SYNPR: variants seen among roughly 807,000 people sequenced by gnomAD.
SYNPR encodes the protein synaptoporin.
SYNPR carries 23 observed loss-of-function variants against 32.9 expected under a neutral mutation model. That is an observed-to-expected ratio of 0.70 (90% CI 0.50 to 0.99). The LOEUF (loss-of-function observed/expected upper bound fraction) is 0.99. Ranked by LOEUF, SYNPR falls within the 50% of genes least tolerant of loss-of-function variation. The probability of loss-of-function intolerance (pLI) is 0.00; values close to 1 mark genes in which losing one functional copy is unlikely to be tolerated. For missense variants in SYNPR, 318 were observed against 349.3 expected (o/e 0.91, Z 0.71); for synonymous variants, 146 against 135.9 (o/e 1.07, Z -0.52).
chr3:63,469,160 G>A (rs1427027680), intron 2 of SYNPR, among the ~76,000 whole-genome samples: 2 of 152,082 alleles, frequency 1.3e-5, no homozygotes, highest in African/African-American at 4.8e-5. Flanking sequence ...TTCAGAGAAC[G>A]CTGCACATGG....
chr3:63,293,950 C>T (rs1336273174), intron 2 of SYNPR, among the ~76,000 whole-genome samples: 4 of 152,194 alleles, frequency 2.6e-5, no homozygotes, highest in Non-Finnish European at 5.9e-5. Flanking sequence ...TATGAATCTT[C>T]GGAGTACCCA....
At chr3:63,506,072 A>C (rs1414825139) in intron 3 of SYNPR, among the ~76,000 whole-genome samples, 1 of 136,122 alleles carries the variant, frequency 7.3e-6, no homozygotes, top group Admixed American at 7.0e-5. Context: ...TCAAACTTAG[A>C]TGCTCCTCCC....
intron 5 of SYNPR, among the ~76,000 whole-genome samples, chr3:63,611,400 T>C (rs1355447260): frequency 1.3e-5 from 2 of 152,210 alleles, no homozygotes; most frequent in Non-Finnish European, 2.9e-5. Flanking sequence ...CAGATTTCTA[T>C]TACCAAAAGC....
intron 2 of SYNPR, among the ~76,000 whole-genome samples, chr3:63,311,417 G>A (rs2086962576): frequency 6.6e-6 from 1 of 151,934 alleles, no homozygotes; most frequent in Non-Finnish European, 1.5e-5. Context: ...CCGGGCCAAA[G>A]ACCACTATGA....
At chr3:63,427,226 CT>C (rs761088258) in intron 2 of SYNPR, among the ~76,000 whole-genome samples, 1,686 of 140,640 alleles carry the variant, frequency 0.012, 10 homozygotes, top group African/African-American at 0.025. Context: ...TTATTTACTG[CT>C]TTTTTTTTTT....
intron 3 of SYNPR, among the ~76,000 whole-genome samples, chr3:63,508,065 C>T (rs1701624028): frequency 6.6e-6 from 1 of 152,088 alleles, no homozygotes; most frequent in Admixed American, 6.6e-5. Context: ...TTCTTTTGTA[C>T]TGTCTTCAAA....
intron 4 of SYNPR, among the ~76,000 whole-genome samples, chr3:63,607,259 C>T (rs1700137827): frequency 6.6e-6 from 1 of 152,170 alleles, no homozygotes; most frequent in Non-Finnish European, 1.5e-5. Context: ...CCTCAATACT[C>T]AGCACATTAC....
chr3:63,596,468 G>A (rs1378697206), intron 4 of SYNPR, among the ~76,000 whole-genome samples: 1 of 151,804 alleles, frequency 6.6e-6, no homozygotes, highest in Non-Finnish European at 1.5e-5. Context: ...TGTTAACAGA[G>A]TGGTCAAGCC....
chr3:63,520,059 T>C (rs1701876471), intron 3 of SYNPR, among the ~76,000 whole-genome samples: 1 of 152,208 alleles, frequency 6.6e-6, no homozygotes, highest in South Asian at 2.1e-4. Flanking sequence ...TTTAACCTGC[T>C]TTTTTCACAG....
chr3:63,262,649 G>C (rs2086448517), intron 2 of SYNPR, among the ~76,000 whole-genome samples: 1 of 152,220 alleles, frequency 6.6e-6, no homozygotes, highest in Non-Finnish European at 1.5e-5. Flanking sequence ...AGAGTGATGG[G>C]GACCGTGCCA....
intron 2 of SYNPR, among the ~76,000 whole-genome samples, chr3:63,441,473 G>A (rs896363026): frequency 6.6e-6 from 1 of 152,146 alleles, no homozygotes; most frequent in African/African-American, 2.4e-5. Flanking sequence ...GCCACCTGGA[G>A]GAACTGTGGC....
intron 2 of SYNPR, among the ~76,000 whole-genome samples, chr3:63,255,861 A>C (rs886604414): frequency 9.2e-5 from 14 of 152,060 alleles, no homozygotes; most frequent in Non-Finnish European, 1.9e-4. Flanking sequence ...AAACCGGGTC[A>C]CTCCCACCCT....
At chr3:63,354,694 C>T (rs1307937297) in intron 2 of SYNPR, among the ~76,000 whole-genome samples, 1 of 152,142 alleles carries the variant, frequency 6.6e-6, no homozygotes, top group Non-Finnish European at 1.5e-5. Flanking sequence ...TACAAAGACG[C>T]CTGACATAGT....
chr3:63,223,643 T>TG, upstream of SYNPR, among the ~76,000 whole-genome samples: 1 of 152,310 alleles, frequency 6.6e-6, no homozygotes, highest in South Asian at 2.1e-4. Flanking sequence ...CATTTAGAGC[T>TG]GGTTTCTGTT....
chr3:63,322,316 T>C (rs2087119029), intron 2 of SYNPR, among the ~76,000 whole-genome samples: 1 of 152,098 alleles, frequency 6.6e-6, no homozygotes, highest in African/African-American at 2.4e-5. Flanking sequence ...ACATGTGGAC[T>C]AGGTACTGTG....
At chr3:63,299,554 C>A (rs1189900079) in intron 2 of SYNPR, among the ~76,000 whole-genome samples, 2 of 152,062 alleles carry the variant, frequency 1.3e-5, no homozygotes, top group South Asian at 4.1e-4. Flanking sequence ...GCTACCTCAG[C>A]CTCACCTATC....
chr3:63,301,785 A>G (rs768760926), intron 2 of SYNPR, among the ~76,000 whole-genome samples: 96 of 152,044 alleles, frequency 6.3e-4, no homozygotes, highest in Non-Finnish European at 1.1e-3. Context: ...TATGACACTA[A>G]TTTGTGTCAC....
intron 2 of SYNPR, among the ~76,000 whole-genome samples, chr3:63,367,125 G>C (rs1226500839): frequency 6.6e-6 from 1 of 152,070 alleles, no homozygotes; most frequent in Non-Finnish European, 1.5e-5. Flanking sequence ...GCACTTTTGG[G>C]GTTACAAACT....
intron 2 of SYNPR, among the ~76,000 whole-genome samples, chr3:63,282,662 G>A (rs1212023390): frequency 3.9e-5 from 5 of 128,134 alleles, no homozygotes; most frequent in South Asian, 4.9e-4. Flanking sequence ...CATCCTGGAC[G>A]ACAAAGTGAG....
Sources: allele counts gnomAD v4.1 joint callset (sites outside exome capture counted in the v4.1 genomes callset), GRCh38; gene constraint gnomAD v4.1.1; transcripts MANE v1.5; gene names NCBI Gene and HGNC (gene_info 2026-07-23, HGNC 2026-07-21).